Variants in ZSCAN25 observed in about 807,000 individuals in gnomAD.
ZSCAN25 encodes zinc finger and SCAN domain-containing protein 25.
ZSCAN25 carries 27 observed loss-of-function variants against 38.7 expected under a neutral mutation model. The observed-to-expected ratio is 0.70, with a 90% confidence interval of 0.51 to 0.96. The LOEUF (loss-of-function observed/expected upper bound fraction) is 0.96, where lower values mean the gene tolerates loss of function less well. Ranked by LOEUF, ZSCAN25 falls within the 40% of genes least tolerant of loss-of-function variation. ZSCAN25 has a pLI of 0.00. For missense variants in ZSCAN25, 637 were observed against 705.9 expected, an observed-to-expected ratio of 0.90 and a Z score of 1.11; for synonymous variants, 273 against 277.7, an observed-to-expected ratio of 0.98 and a Z score of 0.17.
chr7:99,639,688 A>G, the ZSCAN25 span, among the ~76,000 whole-genome samples: 2 of 152,236 alleles, frequency 1.3e-5, no homozygotes, highest in African/African-American at 4.8e-5. Context: ...ATTAGAAGGC[A>G]CTATGGTGAG....
At position 99,619,859 on chromosome 7, in the gene ZSCAN25, C is replaced by T. The variant is rs899463733; in HGVS notation, c.253C>T (p.Leu85=). 8 of 1,614,104 alleles carry T rather than the reference C, an allele frequency of 5.0e-6. No homozygotes were observed. The African/African-American group carries it at 9.3e-5, about 19-fold the overall frequency. The part of the protein sequence containing the change: ...LHTKEQILEL[L]VLEQFLTILP... ...CACCAAGGAGCAGATCCTGGAGCTG[C>T]TGGTGCTGGAGCAGTTCCTCACTAT... Residue 85 remains leucine, a synonymous_variant, in exon 4 of 8, where the codon CTG becomes TTG. Coordinates refer to ENST00000394152, the MANE Select transcript of ZSCAN25 (RefSeq NM_145115.3).
At chr7:99,663,963 T>G in the ZSCAN25 span, 1 of 1,581,476 alleles carries the variant, frequency 6.3e-7, no homozygotes, top group Non-Finnish European at 8.5e-7. Context: ...ACCATCAGAT[T>G]TTACCTTTTG....
At chr7:99,660,121 T>C in the ZSCAN25 span, 1 of 732,490 alleles carries the variant, frequency 1.4e-6, no homozygotes. Flanking sequence ...GGTACCTCAG[T>C]TGGAAATGCA....
chr7:99,642,896 C>A, the ZSCAN25 span, among the ~76,000 whole-genome samples: 1 of 152,046 alleles, frequency 6.6e-6, no homozygotes, highest in African/African-American at 2.4e-5. Flanking sequence ...TACCTGTGGT[C>A]TGTGATGTGA....
Position 99,630,518 on chromosome 7 carries a change from T to C in ZSCAN25, c.*498T>C, listed in dbSNP as rs1807915556. The C allele has an allele frequency of 3.0e-6, 3 of 991,746 alleles. No homozygotes were observed. Among genetic ancestry groups the C allele is most frequent in the South Asian group, 4.6e-5 (1 of 21,778 alleles). 61.4% of individuals were successfully genotyped at this position (991,746 alleles called of 1,614,324 possible). ...TGAATGAGAGACTAGACGTGATGCC[T>C]CTGGGGGTTGTGCGTTGGGGATGCA... is the stretch of plus-strand genomic sequence containing the variant. On this transcript the variant is annotated 3_prime_UTR_variant, in exon 8 of 8. Coordinates refer to ENST00000394152, the MANE Select transcript of ZSCAN25 (RefSeq NM_145115.3).
chr7:99,720,213 C>T, the ZSCAN25 span: 4 of 1,463,076 alleles, frequency 2.7e-6, no homozygotes, highest in Non-Finnish European at 2.8e-6. Context: ...TGGAACCTTC[C>T]TGCACAGTTT....
At chr7:99,704,819 G>A in the ZSCAN25 span, among the ~76,000 whole-genome samples, 7 of 151,942 alleles carry the variant, frequency 4.6e-5, no homozygotes, top group East Asian at 3.9e-4. Context: ...AAAATTAGCC[G>A]GGCGTGGTGG....
chr7:99,707,751 A>G, the ZSCAN25 span: 1 of 1,602,156 alleles, frequency 6.2e-7, no homozygotes, highest in Non-Finnish European at 8.5e-7. Flanking sequence ...TTTTAAATAT[A>G]TAGACCATTC....
At chr7:99,677,812 T>G in the ZSCAN25 span, among the ~76,000 whole-genome samples, 14 of 152,232 alleles carry the variant, frequency 9.2e-5, no homozygotes, top group African/African-American at 3.4e-4. Context: ...GACACTAATC[T>G]CTGCTCCTGA....
the ZSCAN25 span, among the ~76,000 whole-genome samples, chr7:99,721,163 A>G: frequency 0.011 from 1,625 of 152,302 alleles, 18 homozygotes; most frequent in Non-Finnish European, 0.015. Context: ...AGGGAACACA[A>G]TGGTTTAAGA....
chr7:99,629,053 G>A lies in ZSCAN25; in HGVS notation c.806-138G>A. 8.1e-7 allele frequency: 1 copy of A among 1,233,496 alleles called. No individual in the cohort carries two copies. The highest frequency in any genetic ancestry group is 1.1e-6 in the Non-Finnish European group (1 of 906,840). The allele number at this position is 1,233,496 out of a possible 1,614,324, so 76.4% of individuals were successfully genotyped here. ...GGTGGAAATAAGGAAAAAGAAGTAA[G>A]GAAAGCCTGAGTTGAGGTTGTTGGT... is the stretch of plus-strand genomic sequence containing the variant. On this transcript the variant is annotated intron_variant, in intron 7 of 7. Transcript: ENST00000394152. This position sits in a 1 kb window ranked among gnomAD's most constrained non-coding sequence, Gnocchi z 5.6.
At chr7:99,647,234 G>A in the ZSCAN25 span, among the ~76,000 whole-genome samples, 2 of 152,220 alleles carry the variant, frequency 1.3e-5, no homozygotes, top group Non-Finnish European at 1.5e-5. Flanking sequence ...TTGGGCTCCC[G>A]CTTCCAGGTC....
the ZSCAN25 span, chr7:99,652,666 AT>A: frequency 1.9e-6 from 3 of 1,614,012 alleles, 1 homozygote; most frequent in African/African-American, 4.0e-5. Flanking sequence ...TGATTTCAAC[AT>A]CTTTCTTGCA....
the ZSCAN25 span, among the ~76,000 whole-genome samples, chr7:99,707,440 A>G: frequency 6.6e-6 from 1 of 152,228 alleles, no homozygotes; most frequent in Non-Finnish European, 1.5e-5. Context: ...GAAAACTTCT[A>G]CAAGTTCTGG....
the ZSCAN25 span, among the ~76,000 whole-genome samples, chr7:99,737,240 T>C: frequency 9.9e-5 from 15 of 152,084 alleles, no homozygotes; most frequent in Admixed American, 9.8e-4. Flanking sequence ...TAAAATATTA[T>C]AAAAAGTTAA....
At chr7:99,727,384 T>G in the ZSCAN25 span, among the ~76,000 whole-genome samples, 1 of 152,148 alleles carries the variant, frequency 6.6e-6, no homozygotes, top group African/African-American at 2.4e-5. Flanking sequence ...CAAAATATAT[T>G]TCCTTCCTCA....
At chr7:99,687,098 C>T in the ZSCAN25 span, among the ~76,000 whole-genome samples, 1 of 152,152 alleles carries the variant, frequency 6.6e-6, no homozygotes, top group African/African-American at 2.4e-5. Flanking sequence ...AAACTGGAAA[C>T]TCTAAAAAGC....
At chr7:99,665,308 A>G in the ZSCAN25 span, 2 of 1,614,032 alleles carry the variant, frequency 1.2e-6, no homozygotes, top group Admixed American at 1.7e-5. Flanking sequence ...TGTAGGCCCC[A>G]AAGATGCTGA....
the ZSCAN25 span, among the ~76,000 whole-genome samples, chr7:99,683,738 C>A: frequency 6.6e-6 from 1 of 152,062 alleles, no homozygotes; most frequent in South Asian, 2.1e-4. Flanking sequence ...CTTGGACTCC[C>A]ACACACAGGC....
Sources: allele counts gnomAD v4.1 joint callset (sites outside exome capture counted in the v4.1 genomes callset), GRCh38; gene constraint gnomAD v4.1.1; non-coding constraint Gnocchi (gnomAD v3.1); transcripts MANE v1.5; gene names NCBI Gene and HGNC (gene_info 2026-07-23, HGNC 2026-07-21).